The following SEPHS1 variants were observed in gnomAD, a reference collection of about 807,000 sequenced individuals.
The protein encoded by SEPHS1 is selenophosphate synthetase 1.
In SEPHS1, 7 loss-of-function variants were observed where a neutral mutation model predicts 39.2. The ratio of observed to expected loss-of-function variants is 0.18; its 90% CI spans 0.10 to 0.34. The LOEUF is 0.34. SEPHS1 is among the 10% of genes least tolerant of loss of function. The probability of loss-of-function intolerance (pLI) is 1.00; values close to 1 mark genes in which losing one functional copy is unlikely to be tolerated. For synonymous variants in SEPHS1, 190 were observed against 195.5 expected, an observed-to-expected ratio of 0.97 and a Z score of 0.23; for missense variants, 253 against 514.5, an observed-to-expected ratio of 0.49 and a Z score of 4.92.
intron 1 of SEPHS1, among the ~76,000 whole-genome samples, chr10:13,347,097 G>A (rs914524151): frequency 6.6e-6 from 1 of 152,184 alleles, no homozygotes; most frequent in African/African-American, 2.4e-5. Context: ...CGGCGACCCC[G>A]CAGCCACATG....
chr10:13,329,809 T>G, intron 5 of SEPHS1, 21 bp from the exon 6 acceptor site: 1 of 1,583,646 alleles, frequency 6.3e-7, no homozygotes, highest in Non-Finnish European at 8.6e-7. Flanking sequence ...GAAAAGGGCA[T>G]GTTCTAGTCA....
At chr10:13,345,118 C>A in intron 1 of SEPHS1, 90 bp from the exon 2 acceptor site, 1 of 520,658 alleles carries the variant, frequency 1.9e-6, no homozygotes, top group Non-Finnish European at 3.3e-6. Flanking sequence ...AGCGAAAAGT[C>A]AATGTGACAA....
intron 5 of SEPHS1, among the ~76,000 whole-genome samples, chr10:13,330,147 A>G (rs1833422100): frequency 6.6e-6 from 1 of 152,244 alleles, no homozygotes; most frequent in Admixed American, 6.5e-5. Context: ...TGAAACATTT[A>G]GCCTTCAAAC....
Position 13,319,376 on chromosome 10 carries a change from A to C in SEPHS1, c.965-20T>G. Reference sequence around the variant, plus strand: ...GGCCGCCTGGCAAAAGAAAACAAGAATGACTGTTAGTGTTGACATGACAGC... The same window carrying C: ...GGCCGCCTGGCAAAAGAAAACAAGACTGACTGTTAGTGTTGACATGACAGC... On this transcript the variant is annotated intron_variant, in intron 8 of 8. Transcript: ENST00000327347. 1 of 1,611,374 alleles carries C rather than the reference A, an allele frequency of 6.2e-7. No homozygotes were observed. Among genetic ancestry groups the C allele is most frequent in the East Asian group, 2.2e-5 (1 of 44,836 alleles).
intron 4 of SEPHS1, among the ~76,000 whole-genome samples, chr10:13,335,950 AG>A (rs1833617383): frequency 6.8e-6 from 1 of 147,958 alleles, no homozygotes; most frequent in Non-Finnish European, 1.5e-5. Context: ...ACTACACTCC[AG>A]CCTGGGCGAC....
intron 4 of SEPHS1, among the ~76,000 whole-genome samples, chr10:13,336,010 C>T (rs1833621362): frequency 6.8e-6 from 1 of 146,686 alleles, no homozygotes; most frequent in Non-Finnish European, 1.5e-5. Flanking sequence ...GTCTTGGTTT[C>T]AGTCTACTGG....
At chr10:13,331,295 A>G (rs1189923863) in intron 5 of SEPHS1, among the ~76,000 whole-genome samples, 3 of 152,160 alleles carry the variant, frequency 2.0e-5, no homozygotes, top group Non-Finnish European at 4.4e-5. Flanking sequence ...CAATAAACAT[A>G]TGTGTGCATG....
intron 8 of SEPHS1, among the ~76,000 whole-genome samples, chr10:13,321,258 T>C (rs919459761): frequency 4.6e-5 from 7 of 151,480 alleles, no homozygotes; most frequent in African/African-American, 1.7e-4. Flanking sequence ...TTTTTCTTTT[T>C]TTTTTTGAGA....
At chr10:13,335,565 G>A (rs371455708) in intron 4 of SEPHS1, among the ~76,000 whole-genome samples, 435 of 152,240 alleles carry the variant, frequency 2.9e-3, no homozygotes, top group South Asian at 7.7e-3. Flanking sequence ...TTGGGAGGCT[G>A]AGGCAGGAGA....
Position 13,344,773 on chromosome 10 carries a change from C to T in SEPHS1, c.178G>A (p.Val60Ile), listed in dbSNP as rs1167735253. 4 of 1,532,604 alleles carry T rather than the reference C, an allele frequency of 2.6e-6. No homozygotes were observed. Among genetic ancestry groups the T allele is most frequent in the African/African-American group, 1.4e-5 (1 of 72,644 alleles). The allele number at this position is 1,532,604 out of a possible 1,614,324, so 94.9% of individuals were successfully genotyped here. ...FQEDEQFLGAVMPRLGIGMDT... is the reference protein window; with the variant it reads ...FQEDEQFLGAIMPRLGIGMDT... ...GGTTACCTACCAAGCCTTGGCATAA[C>T]GGCTCCCAGAAACTGCTCATCTTCT... The change falls in exon 2 of 9, where the codon GTT becomes ATT. Residue 60 changes from valine to isoleucine, a missense_variant. Physicochemically the swap from Val to Ile is conservative, Grantham distance 29 (BLOSUM62 3). Coordinates refer to ENST00000327347, the MANE Select transcript of SEPHS1 (RefSeq NM_012247.5).
chr10:13,328,190 C>G (rs1021749347), intron 7 of SEPHS1, among the ~76,000 whole-genome samples, 161 bp downstream of exon 7: 2 of 152,176 alleles, frequency 1.3e-5, no homozygotes, highest in Non-Finnish European at 2.9e-5. Context: ...GGACCATCTG[C>G]AGTGATCTAT....
chr10:13,323,862 G>A (rs1169220746), intron 7 of SEPHS1, among the ~76,000 whole-genome samples: 1 of 151,700 alleles, frequency 6.6e-6, no homozygotes, highest in African/African-American at 2.4e-5. Context: ...CTCCCAAAGC[G>A]CTGGGATCAC....
chr10:13,341,001 C>T (rs980447122), intron 2 of SEPHS1, among the ~76,000 whole-genome samples: 6 of 152,322 alleles, frequency 3.9e-5, no homozygotes, highest in African/African-American at 1.4e-4. Context: ...ACTGAAAAGA[C>T]ATTTTTATAT....
chr10:13,347,568 C>A (rs1260003046), intron 1 of SEPHS1, among the ~76,000 whole-genome samples: 4 of 147,042 alleles, frequency 2.7e-5, no homozygotes, highest in Non-Finnish European at 6.1e-5. Flanking sequence ...GACGCACCCG[C>A]CCCGGGTCGA....
chr10:13,333,356 C>T (rs979368579), intron 5 of SEPHS1, among the ~76,000 whole-genome samples: 1 of 151,908 alleles, frequency 6.6e-6, no homozygotes, highest in Non-Finnish European at 1.5e-5. Flanking sequence ...TGGTCTCAAA[C>T]TCCCAACCTC....
In SEPHS1 at chr10:13,348,254, C is replaced by G. The variant is rs1475814701; in HGVS notation, c.-333G>C. ...GGGGGTCCTTTAAGGCCGGCCACCT[C>G]CCTTTAAGAGGCGGCCCTGGCTGCT... On this transcript the variant is annotated 5_prime_UTR_variant, in exon 1 of 9. Transcript: ENST00000327347. 1 of 149,702 alleles carries G rather than the reference C, an allele frequency of 6.7e-6. No individual in the cohort carries two copies. The highest frequency in any genetic ancestry group is 1.5e-5 in the Non-Finnish European group (1 of 67,252). The allele number at this position is 149,702 out of a possible 1,614,324, so 9.3% of individuals were successfully genotyped here. A position where few individuals can be genotyped will look rare whatever the true frequency, so the allele number is the denominator to read the frequency against.
At chr10:13,342,008 G>A (rs928716220) in intron 2 of SEPHS1, among the ~76,000 whole-genome samples, 3 of 150,374 alleles carry the variant, frequency 2.0e-5, no homozygotes, top group Admixed American at 1.3e-4. Context: ...GGCGGGGCGC[G>A]GTGTCTCACG....
chr10:13,337,247 A>T (rs1212073249), intron 3 of SEPHS1, among the ~76,000 whole-genome samples: 8 of 152,234 alleles, frequency 5.3e-5, no homozygotes, highest in Non-Finnish European at 1.2e-4. Context: ...AAATAAAAAA[A>T]TACCCAGGGC....
intron 8 of SEPHS1, chr10:13,322,085 G>A (rs1000055556): frequency 2.2e-6 from 1 of 454,076 alleles, no homozygotes; most frequent in Non-Finnish European, 4.4e-6. Context: ...AAGAAAAATG[G>A]CATTTTAAAG....
Sources: gnomAD v4.1 joint callset for allele counts (sites outside exome capture counted in the v4.1 genomes callset) on GRCh38, gnomAD v4.1.1 for gene constraint, MANE v1.5 for transcripts, NCBI Gene and HGNC (gene_info 2026-07-23, HGNC 2026-07-21) for gene names.